Variants in PCSK5 observed in about 807,000 individuals in gnomAD.
PCSK5 encodes prohormone convertase 5.
In PCSK5, 129 loss-of-function variants were observed where a neutral mutation model predicts 233.2. That is an observed-to-expected ratio of 0.55 (90% CI 0.48 to 0.64). The LOEUF is 0.64. Among genes scored for constraint, PCSK5 ranks in the 30% least tolerant of loss-of-function variants. The pLI, the probability that PCSK5 is intolerant of heterozygous loss-of-function variation, is 0.00. For synonymous variants in PCSK5, 825 were observed against 879.2 expected (o/e 0.94, Z 1.09); for missense variants, 2,076 against 2,430.1 (o/e 0.85, Z 3.06).
At chr9:76,084,968 C>T (rs1225805071) in intron 7 of PCSK5, among the ~76,000 whole-genome samples, 4 of 152,180 alleles carry the variant, frequency 2.6e-5, no homozygotes, top group Admixed American at 6.5e-5. Context: ...ATTATTATAA[C>T]ACCTATAGCC....
intron 9 of PCSK5, among the ~76,000 whole-genome samples, chr9:76,114,802 C>G (rs945318895): frequency 1.3e-5 from 2 of 152,074 alleles, no homozygotes; most frequent in Non-Finnish European, 2.9e-5. Context: ...ATCACCAGAC[C>G]TTTTCCTTGT....
rs191229468 is a variant in PCSK5 at position 75,993,534 on chromosome 9, A to T, written c.411+7289A>T. Among the ~76,000 whole-genome samples the T allele has an allele frequency of 7.9e-5, 12 of 151,810 alleles. No individual in the cohort carries two copies. In the East Asian group the frequency reaches 2.4e-3, roughly 30 times the overall value. On this transcript the variant is annotated intron_variant, in intron 3 of 37. Coordinates refer to ENST00000674117, the MANE Select transcript of PCSK5 (RefSeq NM_001372043.1). ...CTCCAGCCAAGAGCTACCCCATGAG[A>T]TGTATACTGTGCTTTCATGACATTA...
intron 24 of PCSK5, among the ~76,000 whole-genome samples, chr9:76,274,007 T>C (rs942165979): frequency 1.1e-4 from 17 of 151,848 alleles, no homozygotes; most frequent in African/African-American, 4.1e-4. Flanking sequence ...AAGGATTTTA[T>C]TGTTATCAAA....
intron 5 of PCSK5, 107 bp from the exon 6 acceptor site, chr9:76,067,848 C>T: frequency 1.2e-6 from 1 of 840,778 alleles, no homozygotes; most frequent in Non-Finnish European, 2.0e-6. Flanking sequence ...GTTCCAGAAA[C>T]ACCACAGCTG....
At chr9:76,330,999 C>T (rs1005450949) in intron 33 of PCSK5, among the ~76,000 whole-genome samples, 1 of 152,142 alleles carries the variant, frequency 6.6e-6, no homozygotes, top group Non-Finnish European at 1.5e-5. Context: ...AAGTGGTCTT[C>T]CCCTCATCCG....
intron 5 of PCSK5, among the ~76,000 whole-genome samples, chr9:76,029,240 A>T (rs77188612): frequency 1.3e-5 from 2 of 152,202 alleles, no homozygotes; most frequent in Non-Finnish European, 2.9e-5. Context: ...TTAAGCAGAC[A>T]GTGTACTATA....
At chr9:76,132,747 G>A (rs975525138) in intron 9 of PCSK5, among the ~76,000 whole-genome samples, 2 of 151,908 alleles carry the variant, frequency 1.3e-5, no homozygotes, top group Non-Finnish European at 2.9e-5. Context: ...TCAGTACAAC[G>A]ACATAAAGCA....
At chr9:76,243,482 C>T (rs548032643) in intron 24 of PCSK5, among the ~76,000 whole-genome samples, 2 of 152,276 alleles carry the variant, frequency 1.3e-5, no homozygotes, top group South Asian at 4.2e-4. Flanking sequence ...TTCTAAAATG[C>T]CCTTAATTTA....
At chr9:76,058,327 G>T (rs1829899722) in intron 5 of PCSK5, among the ~76,000 whole-genome samples, 1 of 152,108 alleles carries the variant, frequency 6.6e-6, no homozygotes, top group Admixed American at 6.6e-5. Flanking sequence ...GATGAGTGAG[G>T]ATTCTGCGTA....
intron 1 of PCSK5, among the ~76,000 whole-genome samples, chr9:75,922,891 C>A (rs150430554): frequency 3.3e-5 from 5 of 152,140 alleles, no homozygotes; most frequent in Non-Finnish European, 7.3e-5. Context: ...TTCTTACCCG[C>A]TCAGGATTCG....
intron 20 of PCSK5, among the ~76,000 whole-genome samples, chr9:76,212,198 G>A (rs1825355401): frequency 6.6e-6 from 1 of 152,130 alleles, no homozygotes. Flanking sequence ...GAATGTGTAG[G>A]TGATGACATT....
In PCSK5 at chr9:75,986,601, C is replaced by G. The variant is rs1357908930; in HGVS notation, c.411+356C>G. ...TCATGTTACCTCTGATACACATTTA[C>G]TGTACCTTGAAACTAGTCTAGCTAA... On this transcript the variant is annotated intron_variant, in intron 3 of 37. Transcript: ENST00000674117. Among the ~76,000 whole-genome samples the G allele has an allele frequency of 3.3e-5, 5 of 152,314 alleles. No individual in the cohort carries two copies. The South Asian group carries it at 1.0e-3, about 32-fold the overall frequency.
chr9:76,262,931 G>GA lies in PCSK5; in HGVS notation c.3142+22258dup, dbSNP rs1017628197. ...ACAATGAACTCAAACAAATTTACAA[G>GA]AAAAAAAAAAACAACCCCATCAAAA... On this transcript the variant is annotated intron_variant, in intron 24 of 37. Coordinates refer to ENST00000674117, the MANE Select transcript of PCSK5 (RefSeq NM_001372043.1). Among the ~76,000 whole-genome samples, 805 of 139,970 alleles carry GA rather than the reference G, an allele frequency of 5.8e-3. 6 individuals are homozygous for GA. The highest frequency in any genetic ancestry group is 0.018 in the African/African-American group (689 of 38,218). 91.8% of individuals were successfully genotyped at this position (139,970 alleles called of 152,430 possible). A position where few individuals can be genotyped will look rare whatever the true frequency, so the allele number is the denominator to read the frequency against.
intron 24 of PCSK5, among the ~76,000 whole-genome samples, chr9:76,273,786 T>C (rs1381401750): frequency 2.0e-5 from 3 of 150,604 alleles, no homozygotes. Context: ...GTGCATGCTA[T>C]CATACATAGC....
chr9:75,917,355 A>G lies in PCSK5; in HGVS notation c.193-15024A>G, dbSNP rs1351065146. 2.0e-5 allele frequency among the ~76,000 whole-genome samples: 3 copies of G among 152,166 alleles called. No homozygotes were observed. In the East Asian group the frequency reaches 5.8e-4, roughly 29 times the overall value. ...TGCTGAAACACACAGATAATCCAGAACACTTTGCATTTTTATGTGTTTTGG... is the reference window on the plus strand; with the variant it reads ...TGCTGAAACACACAGATAATCCAGAGCACTTTGCATTTTTATGTGTTTTGG... On this transcript the variant is annotated intron_variant, in intron 1 of 37. Coordinates refer to ENST00000674117, the MANE Select transcript of PCSK5 (RefSeq NM_001372043.1).
intron 24 of PCSK5, among the ~76,000 whole-genome samples, chr9:76,244,490 G>T (rs1423395006): frequency 6.6e-6 from 1 of 151,264 alleles, no homozygotes; most frequent in Non-Finnish European, 1.5e-5. Context: ...AGGGGAGTCA[G>T]AGAAAAGTGA....
Position 76,169,743 on chromosome 9 carries a change from G to A in PCSK5, c.1659G>A (p.Glu553=), listed in dbSNP as rs776338330. Residue 553 remains glutamate, a synonymous_variant, in exon 13 of 38, where the codon GAG becomes GAA. Coordinates refer to ENST00000674117, the MANE Select transcript of PCSK5 (RefSeq NM_001372043.1). ...CCATGGAAGGATTCAAAAACTGGGA[G>A]TTCATGACCATTCATTGCTGGGGAG... ...DHSMEGFKNW[E]FMTIHCWGER... The A allele has an allele frequency of 1.2e-6, 2 of 1,613,408 alleles. No individual in the cohort carries two copies. The highest frequency in any genetic ancestry group is 1.7e-6 in the Non-Finnish European group (2 of 1,179,374).
intron 20 of PCSK5, among the ~76,000 whole-genome samples, chr9:76,212,489 G>A (rs1032083655): frequency 1.3e-5 from 2 of 152,232 alleles, no homozygotes; most frequent in African/African-American, 4.8e-5. Flanking sequence ...CATTGACAAA[G>A]TACTGCCTGT....
chr9:76,018,343 G>A (rs192567599), intron 3 of PCSK5, among the ~76,000 whole-genome samples: 2 of 152,168 alleles, frequency 1.3e-5, no homozygotes, highest in Admixed American at 6.5e-5. Context: ...CCAAGCCCCG[G>A]GCTGCGGACC....
Sources: allele counts gnomAD v4.1 joint callset (sites outside exome capture counted in the v4.1 genomes callset), GRCh38; gene constraint gnomAD v4.1.1; transcripts MANE v1.5; gene names NCBI Gene and HGNC (gene_info 2026-07-23, HGNC 2026-07-21).